The following PLXDC2 variants were observed in gnomAD, a reference collection of about 807,000 sequenced individuals.
PLXDC2 encodes the protein plexin domain-containing protein 2.
PLXDC2 carries 40 observed loss-of-function variants against 68.9 expected under a neutral mutation model. That is an observed-to-expected ratio of 0.58 (90% CI 0.45 to 0.76). PLXDC2 has a LOEUF of 0.76. Among genes scored for constraint, PLXDC2 ranks in the 30% least tolerant of loss-of-function variants. The pLI, the probability that PLXDC2 is intolerant of heterozygous loss-of-function variation, is 0.00. For synonymous variants in PLXDC2, 243 were observed against 234.2 expected (o/e 1.04, Z -0.34); for missense variants, 644 against 661.9 (o/e 0.97, Z 0.30).
At chr10:20,082,824 G>A (rs1324705441) in intron 4 of PLXDC2, among the ~76,000 whole-genome samples, 2 of 152,034 alleles carry the variant, frequency 1.3e-5, no homozygotes, top group African/African-American at 2.4e-5. Flanking sequence ...ATAAACTACT[G>A]GGAACCCATA....
At chr10:19,846,100 A>C (rs1306276222) in intron 1 of PLXDC2, among the ~76,000 whole-genome samples, 3 of 152,222 alleles carry the variant, frequency 2.0e-5, no homozygotes, top group Admixed American at 2.0e-4. Flanking sequence ...ACAAAGCTGC[A>C]CTCAAAGATT....
intron 1 of PLXDC2, among the ~76,000 whole-genome samples, chr10:19,833,439 A>T (rs982139418): frequency 6.6e-6 from 1 of 152,230 alleles, no homozygotes; most frequent in Middle Eastern, 3.2e-3. Flanking sequence ...CCACTCACTC[A>T]TTGATAGCCT....
At chr10:19,950,962 G>T (rs777918904) in intron 1 of PLXDC2, among the ~76,000 whole-genome samples, 1 of 152,092 alleles carries the variant, frequency 6.6e-6, no homozygotes, top group African/African-American at 2.4e-5. Flanking sequence ...GAATGAAACT[G>T]GACCTCTACT....
chr10:20,226,750 A>AAT (rs1835292606), intron 12 of PLXDC2, among the ~76,000 whole-genome samples: 1 of 152,100 alleles, frequency 6.6e-6, no homozygotes, highest in Non-Finnish European at 1.5e-5. Flanking sequence ...AGTAGCTCTA[A>AAT]ATGCACTTTC....
At chr10:20,249,244 G>A (rs1835639393) in intron 13 of PLXDC2, among the ~76,000 whole-genome samples, 1 of 152,028 alleles carries the variant, frequency 6.6e-6, no homozygotes, top group Non-Finnish European at 1.5e-5. Flanking sequence ...GTGGTAACTC[G>A]GAATGCACTG....
At chr10:20,198,773 A>G (rs11011859) in intron 9 of PLXDC2, among the ~76,000 whole-genome samples, 32,234 of 152,026 alleles carry the variant, frequency 0.21, 4,541 homozygotes, top group East Asian at 0.4. Flanking sequence ...TCCAGCTGTA[A>G]GTTGATTTAT....
chr10:20,036,499 A>T (rs752906818), intron 2 of PLXDC2, among the ~76,000 whole-genome samples: 8 of 152,152 alleles, frequency 5.3e-5, no homozygotes, highest in Non-Finnish European at 1.2e-4. Flanking sequence ...TGGTAGCCTG[A>T]ACTAAGGCAG....
intron 1 of PLXDC2, among the ~76,000 whole-genome samples, chr10:19,864,758 T>C (rs919655940): frequency 6.6e-6 from 1 of 152,198 alleles, no homozygotes; most frequent in Non-Finnish European, 1.5e-5. Flanking sequence ...CACAGGTAAG[T>C]GGACTGGGCA....
At chr10:20,208,854 C>T (rs993205313) in intron 9 of PLXDC2, among the ~76,000 whole-genome samples, 6 of 151,778 alleles carry the variant, frequency 4.0e-5, no homozygotes, top group Non-Finnish European at 5.9e-5. Context: ...GCTGGGTGTC[C>T]GGGGGAGACA....
At chr10:20,118,550 C>T (rs1833652726) in intron 4 of PLXDC2, among the ~76,000 whole-genome samples, 1 of 152,146 alleles carries the variant, frequency 6.6e-6, no homozygotes, top group African/African-American at 2.4e-5. Context: ...CGGCACTGCA[C>T]AAAAGTGAAT....
At chr10:20,048,972 TC>T (rs1211149744) in intron 3 of PLXDC2, among the ~76,000 whole-genome samples, 1 of 152,142 alleles carries the variant, frequency 6.6e-6, no homozygotes, top group Non-Finnish European at 1.5e-5. Context: ...GACTTGAACT[TC>T]TGGTTGTAAC....
At chr10:20,005,938 C>T (rs926138429) in intron 2 of PLXDC2, among the ~76,000 whole-genome samples, 16 of 152,086 alleles carry the variant, frequency 1.1e-4, no homozygotes, top group Admixed American at 3.9e-4. Flanking sequence ...ACCTGTAATC[C>T]CAGCACTTTG....
At chr10:20,221,386 T>G (rs1835210415) in intron 12 of PLXDC2, among the ~76,000 whole-genome samples, 1 of 152,220 alleles carries the variant, frequency 6.6e-6, no homozygotes, top group African/African-American at 2.4e-5. Context: ...AACTGTTGGA[T>G]TCTCAGATGA....
intron 1 of PLXDC2, among the ~76,000 whole-genome samples, chr10:19,869,905 A>G (rs1284259172): frequency 1.3e-5 from 2 of 152,188 alleles, no homozygotes; most frequent in Non-Finnish European, 2.9e-5. Context: ...ATATGCAATA[A>G]TGCAATGGTC....
chr10:20,266,546 A>G (rs1428266967), intron 13 of PLXDC2, among the ~76,000 whole-genome samples: 3 of 152,212 alleles, frequency 2.0e-5, no homozygotes, highest in African/African-American at 7.2e-5. Context: ...TATATTTAGG[A>G]TAACTGAAAA....
At chr10:20,153,457 T>A (rs1242038035) in intron 6 of PLXDC2, among the ~76,000 whole-genome samples, 1 of 152,198 alleles carries the variant, frequency 6.6e-6, no homozygotes, top group Non-Finnish European at 1.5e-5. Flanking sequence ...CCTTGCTCTT[T>A]GATAACTACC....
At chr10:20,140,140 A>T (rs1393251673) in intron 4 of PLXDC2, among the ~76,000 whole-genome samples, 1 of 151,826 alleles carries the variant, frequency 6.6e-6, no homozygotes, top group Non-Finnish European at 1.5e-5. Flanking sequence ...CTCTACTAAA[A>T]ATACAAAAAA....
At chr10:20,226,933 G>A (rs1265643445) in intron 12 of PLXDC2, among the ~76,000 whole-genome samples, 1 of 151,424 alleles carries the variant, frequency 6.6e-6, no homozygotes, top group Non-Finnish European at 1.5e-5. Context: ...TTTGGAATCT[G>A]AGATATATGA....
intron 2 of PLXDC2, among the ~76,000 whole-genome samples, chr10:20,014,859 A>G (rs1297870521): frequency 6.6e-6 from 1 of 151,824 alleles, no homozygotes; most frequent in Non-Finnish European, 1.5e-5. Context: ...TCTTTTCCTT[A>G]AGGACAATGT....
Sources: allele counts gnomAD v4.1 joint callset (sites outside exome capture counted in the v4.1 genomes callset), GRCh38; gene constraint gnomAD v4.1.1; transcripts MANE v1.5; gene names NCBI Gene and HGNC (gene_info 2026-07-23, HGNC 2026-07-21).